The following SNTG1 variants were observed in gnomAD, a reference collection of about 807,000 sequenced individuals.
The protein encoded by SNTG1 is syntrophin gamma 1.
In SNTG1, 39 loss-of-function variants were observed where a neutral mutation model predicts 74.7. The observed-to-expected ratio is 0.52, with a 90% CI of 0.40 to 0.68. The LOEUF is 0.68. SNTG1 is among the 30% of genes least tolerant of loss of function. The pLI is 0.00. For synonymous variants in SNTG1, 254 were observed against 217.1 expected, an observed-to-expected ratio of 1.17 and a Z score of -1.49; for missense variants, 685 against 609.5, an observed-to-expected ratio of 1.12 and a Z score of -1.30.
intron 2 of SNTG1, among the ~76,000 whole-genome samples, chr8:50,241,164 T>G (rs1041542681): frequency 1.6e-4 from 24 of 152,236 alleles, no homozygotes; most frequent in Non-Finnish European, 2.9e-4. Context: ...CCAGAGTTAA[T>G]GTATACATTT....
At chr8:50,004,511 T>C (rs908975726) in intron 1 of SNTG1, among the ~76,000 whole-genome samples, 2 of 152,130 alleles carry the variant, frequency 1.3e-5, no homozygotes, top group African/African-American at 4.8e-5. Context: ...ACTCCAAACC[T>C]CATTCTCCTC....
chr8:50,418,475 T>C (rs183555118), intron 4 of SNTG1, among the ~76,000 whole-genome samples: 21 of 152,182 alleles, frequency 1.4e-4, no homozygotes, highest in African/African-American at 4.8e-4. Context: ...GCTTAGTTCT[T>C]TACGTTATTC....
intron 13 of SNTG1, among the ~76,000 whole-genome samples, chr8:50,648,189 C>A (rs1041697519): frequency 6.6e-6 from 1 of 152,098 alleles, no homozygotes; most frequent in Admixed American, 6.6e-5. Context: ...GGTATATTCT[C>A]AGCTCATTTC....
In SNTG1 at chr8:50,713,164, T is replaced by A. The variant is rs184459825; in HGVS notation, c.1284+4186T>A. ...TTCTCCACATCCTCGCCAGCATCTG[T>A]TGTTTCCTGACTTTTCAATGATCCC... On this transcript the variant is annotated intron_variant, in intron 17 of 18. Coordinates refer to ENST00000642720, the MANE Select transcript of SNTG1 (RefSeq NM_018967.5). Among the ~76,000 whole-genome samples the A allele has an allele frequency of 2.7e-4, 41 of 152,322 alleles. 1 individual carries two copies. In the East Asian group the frequency reaches 7.3e-3, roughly 27 times the overall value.
chr8:50,039,644 A>C (rs534118852), intron 1 of SNTG1, among the ~76,000 whole-genome samples: 1 of 151,430 alleles, frequency 6.6e-6, no homozygotes, highest in Non-Finnish European at 1.5e-5. Context: ...AATGATTTAC[A>C]TTTTTTTTGC....
chr8:50,274,335 C>G (rs1338735616), intron 2 of SNTG1, among the ~76,000 whole-genome samples: 1 of 151,980 alleles, frequency 6.6e-6, no homozygotes, highest in East Asian at 1.9e-4. Flanking sequence ...GATCCACTCA[C>G]CTACGCTTCC....
At chr8:49,981,990 A>G (rs1812722109) in intron 1 of SNTG1, among the ~76,000 whole-genome samples, 1 of 152,158 alleles carries the variant, frequency 6.6e-6, no homozygotes, top group Admixed American at 6.5e-5. Flanking sequence ...TCTTAAAAAA[A>G]TAACTAATAG....
chr8:50,587,083 C>T (rs2130853728), intron 12 of SNTG1, among the ~76,000 whole-genome samples: 1 of 151,906 alleles, frequency 6.6e-6, no homozygotes. Context: ...CGCTTACAGA[C>T]ATTAATCTAA....
chr8:50,030,998 T>A (rs966374516), intron 1 of SNTG1, among the ~76,000 whole-genome samples: 8 of 151,966 alleles, frequency 5.3e-5, no homozygotes, highest in African/African-American at 1.9e-4. Context: ...AGTTCTTATT[T>A]GATTTTGGTG....
intron 1 of SNTG1, among the ~76,000 whole-genome samples, chr8:50,020,586 C>A (rs747756173): frequency 6.6e-6 from 1 of 152,068 alleles, no homozygotes; most frequent in Non-Finnish European, 1.5e-5. Flanking sequence ...TTAGGCACAT[C>A]ATTAATCTGC....
rs185202930 is a variant in SNTG1, at chr8:50,587,979, G to A, written c.811-2900G>A. Among the ~76,000 whole-genome samples, 305 of 151,918 alleles carry A rather than the reference G, an allele frequency of 2.0e-3. 2 individuals are homozygous for A. Among genetic ancestry groups the A allele is most frequent in the African/African-American group, 6.8e-3 (281 of 41,448 alleles). Reference sequence around the variant, plus strand: ...TAAAAAATAAAAAAAAATTAGCCAGGTGTGGTGGTGGGCACCTATAGTCCC... The same window carrying A: ...TAAAAAATAAAAAAAAATTAGCCAGATGTGGTGGTGGGCACCTATAGTCCC... On this transcript the variant is annotated intron_variant, in intron 12 of 18. Transcript: ENST00000642720.
At chr8:50,532,644 G>C (rs1431854299) in intron 10 of SNTG1, among the ~76,000 whole-genome samples, 2 of 152,164 alleles carry the variant, frequency 1.3e-5, no homozygotes, top group Non-Finnish European at 2.9e-5. Context: ...TGTTCCTTCT[G>C]TATCTTGAAT....
chr8:50,600,926 T>C (rs2130928450), intron 13 of SNTG1, among the ~76,000 whole-genome samples: 1 of 151,716 alleles, frequency 6.6e-6, no homozygotes, highest in South Asian at 2.1e-4. Context: ...TCCTAGGACT[T>C]TGGGAGGCCA....
At chr8:50,775,861 AATCT>A (rs755812770) in intron 18 of SNTG1, among the ~76,000 whole-genome samples, 291 of 151,496 alleles carry the variant, frequency 1.9e-3, no homozygotes, top group African/African-American at 6.7e-3. Flanking sequence ...ATTATTAATT[AATCT>A]GTCTCATTTC....
chr8:50,141,235 C>T (rs935356367), intron 1 of SNTG1, among the ~76,000 whole-genome samples: 5 of 152,164 alleles, frequency 3.3e-5, no homozygotes, highest in African/African-American at 9.6e-5. Context: ...ATAGTAAGTG[C>T]AGGATTGCTA....
intron 2 of SNTG1, among the ~76,000 whole-genome samples, chr8:50,250,442 G>A (rs1309784258): frequency 6.6e-6 from 1 of 152,064 alleles, no homozygotes; most frequent in South Asian, 2.1e-4. Context: ...GGGGAGATAT[G>A]GACATCCATG....
intron 2 of SNTG1, among the ~76,000 whole-genome samples, chr8:50,295,001 C>A (rs544394185): frequency 6.6e-6 from 1 of 152,090 alleles, no homozygotes; most frequent in Non-Finnish European, 1.5e-5. Flanking sequence ...GCTGAAGTCA[C>A]CAGATCAGTT....
intron 8 of SNTG1, among the ~76,000 whole-genome samples, chr8:50,492,517 T>C (rs752244469): frequency 2.0e-5 from 3 of 152,252 alleles, no homozygotes; most frequent in Non-Finnish European, 4.4e-5. Context: ...CTTCATATGT[T>C]TGTTGGCCAC....
At chr8:50,391,428 A>G (rs2092658054) in intron 2 of SNTG1, among the ~76,000 whole-genome samples, 1 of 152,112 alleles carries the variant, frequency 6.6e-6, no homozygotes, top group Admixed American at 6.5e-5. Context: ...AGCCCACTTG[A>G]TCATGGTGGA....
Sources: allele counts gnomAD v4.1 joint callset (sites outside exome capture counted in the v4.1 genomes callset), GRCh38; gene constraint gnomAD v4.1.1; transcripts MANE v1.5; gene names NCBI Gene and HGNC (gene_info 2026-07-23, HGNC 2026-07-21).